ANXA8: variants seen among roughly 807,000 people sequenced by gnomAD.
ANXA8 encodes annexin A8.
Under a neutral mutation model 26.8 loss-of-function variants are expected in ANXA8, and 9 were observed. The observed-to-expected ratio is 0.34, with a 90% CI of 0.20 to 0.59. The LOEUF (loss-of-function observed/expected upper bound fraction) is 0.59, where lower values mean the gene tolerates loss of function less well. ANXA8 is among the 20% of genes least tolerant of loss of function. The probability of loss-of-function intolerance (pLI) is 0.84; values close to 1 mark genes in which losing one functional copy is unlikely to be tolerated. For synonymous variants in ANXA8, 39 were observed against 94.8 expected, an observed-to-expected ratio of 0.41 and a Z score of 3.42; for missense variants, 83 against 238.5, an observed-to-expected ratio of 0.35 and a Z score of 4.29.
At chr10:47,952,887 T>C in the ANXA8 span, among the ~76,000 whole-genome samples, 3 of 148,288 alleles carry the variant, frequency 2.0e-5, no homozygotes, top group East Asian at 2.1e-4. Flanking sequence ...GGGAAAAAGA[T>C]AGTCTTTGAA....
the ANXA8 span, among the ~76,000 whole-genome samples, chr10:47,951,798 A>T: frequency 1.1e-4 from 15 of 138,650 alleles, no homozygotes; most frequent in African/African-American, 3.9e-4. Flanking sequence ...GAGACAGAGC[A>T]AGACTCTGTC....
At chr10:47,506,409 C>T in the ANXA8 span, among the ~76,000 whole-genome samples, 1 of 139,734 alleles carries the variant, frequency 7.2e-6, no homozygotes, top group Non-Finnish European at 1.5e-5. Flanking sequence ...CGGCTCACTG[C>T]AACCTCCACC....
At chr10:47,691,694 G>A in the ANXA8 span, among the ~76,000 whole-genome samples, 1 of 150,180 alleles carries the variant, frequency 6.7e-6, no homozygotes, top group Non-Finnish European at 1.5e-5. Context: ...AGGAGGTTGA[G>A]GCTGCAGTGA....
chr10:47,743,357 C>CATAT, the ANXA8 span, among the ~76,000 whole-genome samples: 164 of 41,696 alleles, frequency 3.9e-3, 2 homozygotes, highest in African/African-American at 9.7e-3. Context: ...TATATATACA[C>CATAT]ATATATATAT....
the ANXA8 span, among the ~76,000 whole-genome samples, chr10:47,530,654 C>T: frequency 6.7e-6 from 1 of 148,650 alleles, no homozygotes; most frequent in Non-Finnish European, 1.5e-5. Flanking sequence ...GACTGTGCCA[C>T]AGCACTCCAG....
the ANXA8 span, among the ~76,000 whole-genome samples, chr10:47,956,642 T>A: frequency 2.6e-5 from 4 of 150,946 alleles, no homozygotes; most frequent in African/African-American, 9.8e-5. Context: ...GTTCCCAGTC[T>A]CTCTGCCTCC....
the ANXA8 span, among the ~76,000 whole-genome samples, chr10:47,756,511 C>T: frequency 7.1e-6 from 1 of 140,112 alleles, no homozygotes; most frequent in East Asian, 2.3e-4. Flanking sequence ...GCAAGCCTGT[C>T]CCTCCCTGTT....
the ANXA8 span, among the ~76,000 whole-genome samples, chr10:47,580,452 A>G: frequency 6.6e-6 from 1 of 151,256 alleles, no homozygotes; most frequent in East Asian, 1.9e-4. Flanking sequence ...AATTATATGA[A>G]GGGCCACATG....
the ANXA8 span, among the ~76,000 whole-genome samples, chr10:47,648,180 A>G: frequency 1.3e-5 from 2 of 151,190 alleles, no homozygotes; most frequent in South Asian, 2.1e-4. Flanking sequence ...GCAAACAAAC[A>G]GGAAAAGGAG....
chr10:47,687,466 T>C, the ANXA8 span, among the ~76,000 whole-genome samples: 1 of 151,728 alleles, frequency 6.6e-6, no homozygotes, highest in African/African-American at 2.4e-5. Context: ...AGTTTCGCCA[T>C]GTTGGCCAGG....
the ANXA8 span, among the ~76,000 whole-genome samples, chr10:47,983,644 T>TAAACCTTCCC: frequency 5.6e-5 from 4 of 71,510 alleles, no homozygotes; most frequent in African/African-American, 2.2e-4. Flanking sequence ...GGTATTTTCC[T>TAAACCTTCCC]TCTGTACTGA....
the ANXA8 span, among the ~76,000 whole-genome samples, chr10:47,554,830 C>T: frequency 2.0e-5 from 3 of 151,830 alleles, no homozygotes; most frequent in South Asian, 4.2e-4. Context: ...TTCCCTTATC[C>T]CTGAAGAGCT....
the ANXA8 span, among the ~76,000 whole-genome samples, chr10:47,707,156 G>C: frequency 7.3e-6 from 1 of 137,718 alleles, no homozygotes; most frequent in Admixed American, 7.4e-5. Context: ...AAATAAAATA[G>C]CTGCAAACCT....
At chr10:47,666,232 A>G in the ANXA8 span, among the ~76,000 whole-genome samples, 2 of 136,924 alleles carry the variant, frequency 1.5e-5, no homozygotes, top group East Asian at 4.5e-4. Context: ...TGGGAGGCTT[A>G]TGTGAGAGCA....
the ANXA8 span, among the ~76,000 whole-genome samples, chr10:47,594,149 G>A: frequency 1.3e-5 from 2 of 149,538 alleles, no homozygotes; most frequent in East Asian, 3.9e-4. Flanking sequence ...TCAGCTTGCA[G>A]ATGGTTTATT....
At chr10:47,779,287 C>T in the ANXA8 span, among the ~76,000 whole-genome samples, 85 of 89,436 alleles carry the variant, frequency 9.5e-4, no homozygotes, top group Admixed American at 2.0e-3. Flanking sequence ...AAATTTCCAA[C>T]TGTTTCCTTT....
the ANXA8 span, chr10:47,490,446 G>T: frequency 1.3e-5 from 2 of 152,112 alleles, no homozygotes; most frequent in African/African-American, 4.9e-5. Context: ...CGAGTGTGGA[G>T]GCTGCGAAGG....
At chr10:47,957,067 G>T in the ANXA8 span, among the ~76,000 whole-genome samples, 25 of 150,534 alleles carry the variant, frequency 1.7e-4, 1 homozygote, top group African/African-American at 5.9e-4. Flanking sequence ...ATCCTGGGCT[G>T]CAGATTCATT....
chr10:47,607,618 AT>A, the ANXA8 span, among the ~76,000 whole-genome samples: 1 of 107,180 alleles, frequency 9.3e-6, no homozygotes, highest in African/African-American at 4.3e-5. Context: ...TAATACATAT[AT>A]TATTTGATAT....
Sources: allele counts gnomAD v4.1 joint callset (sites outside exome capture counted in the v4.1 genomes callset), GRCh38; gene constraint gnomAD v4.1.1; transcripts MANE v1.5; gene names NCBI Gene and HGNC (gene_info 2026-07-23, HGNC 2026-07-21).